Variants in WWOX observed in about 807,000 individuals in gnomAD.
WWOX encodes WW domain-containing oxidoreductase.
In WWOX, 69 loss-of-function variants were observed where a neutral mutation model predicts 46.2. That is an observed-to-expected ratio of 1.49 (90% CI 1.23 to 1.82). The LOEUF is 1.82. WWOX is among the 40% of genes most tolerant of loss of function. WWOX has a pLI of 0.00. For synonymous variants in WWOX, 359 were observed against 202.6 expected (o/e 1.77, Z -6.56); for missense variants, 919 against 542.6 (o/e 1.69, Z -6.89).
intron 8 of WWOX, among the ~76,000 whole-genome samples, chr16:79,113,119 G>A (rs2049448830): frequency 6.6e-6 from 1 of 152,194 alleles, no homozygotes; most frequent in South Asian, 2.1e-4. Context: ...AAAAACATAT[G>A]TGTGTGTAAT....
At chr16:78,173,107 G>A (rs537635930) in intron 5 of WWOX, among the ~76,000 whole-genome samples, 17 of 152,276 alleles carry the variant, frequency 1.1e-4, no homozygotes, top group African/African-American at 3.9e-4. Context: ...GGGGCAGCAC[G>A]CCCTGCGATA....
intron 8 of WWOX, among the ~76,000 whole-genome samples, chr16:78,435,640 C>T (rs1382037373): frequency 2.0e-5 from 3 of 152,154 alleles, no homozygotes; most frequent in South Asian, 4.2e-4. Flanking sequence ...TGAGCATTTC[C>T]CTTGTAGTTG....
chr16:78,675,843 T>C (rs1250608033), intron 8 of WWOX, among the ~76,000 whole-genome samples: 1 of 152,064 alleles, frequency 6.6e-6, no homozygotes, highest in Non-Finnish European at 1.5e-5. Context: ...ATATATATTT[T>C]TTTAAATCAT....
chr16:78,762,733 G>A (rs976237579), intron 8 of WWOX, among the ~76,000 whole-genome samples: 1 of 152,132 alleles, frequency 6.6e-6, no homozygotes, highest in Non-Finnish European at 1.5e-5. Flanking sequence ...CTGGTTTCAA[G>A]TCCAAATTCT....
At chr16:78,794,341 T>A (rs770720404) in intron 8 of WWOX, among the ~76,000 whole-genome samples, 3 of 152,140 alleles carry the variant, frequency 2.0e-5, no homozygotes, top group Non-Finnish European at 4.4e-5. Flanking sequence ...CAGGAGTCTC[T>A]CTCGGTCTGT....
chr16:79,018,490 C>T (rs1163478554), intron 8 of WWOX, among the ~76,000 whole-genome samples: 1 of 152,138 alleles, frequency 6.6e-6, no homozygotes, highest in Non-Finnish European at 1.5e-5. Flanking sequence ...TGTGTCTACA[C>T]AGACCCAAGA....
rs1464156122 is a variant in WWOX, at chr16:78,386,901, G to A, written c.558G>A (p.Leu186=). The A allele has an allele frequency of 1.2e-6, 2 of 1,614,106 alleles. No homozygotes were observed. The highest frequency in any genetic ancestry group is 2.2e-5 in the East Asian group (1 of 44,884). ...AAGCAATGACCCTGGACCTCGCTCT[G>A]CTCCGTAGCGTGCAGCATTTTGCTG... ...KVEAMTLDLA[L]LRSVQHFAEA... Residue 186 remains leucine (L), a synonymous_variant, in exon 6 of 9, where the codon CTG becomes CTA. Coordinates refer to ENST00000566780, the MANE Select transcript of WWOX (RefSeq NM_016373.4).
intron 8 of WWOX, among the ~76,000 whole-genome samples, chr16:78,761,887 A>G (rs2049803771): frequency 6.6e-6 from 1 of 152,198 alleles, no homozygotes; most frequent in Non-Finnish European, 1.5e-5. Flanking sequence ...AACTTAGTTC[A>G]TTAGTGCTTT....
At chr16:78,786,883 C>G (rs143233297) in intron 8 of WWOX, among the ~76,000 whole-genome samples, 2 of 152,208 alleles carry the variant, frequency 1.3e-5, no homozygotes, top group South Asian at 2.1e-4. Flanking sequence ...CGTGGTGACT[C>G]ACGCCTGTAA....
At position 78,563,519 on chromosome 16, in the gene WWOX, T is replaced by TTTTTTTTTTTTTC. The variant is rs1491121731; in HGVS notation, c.1056+130779_1056+130780insCTTTTTTTTTTTT. 3.0e-3 allele frequency among the ~76,000 whole-genome samples: 274 copies of TTTTTTTTTTTTTC among 92,436 alleles called. 5 individuals carry two copies. Among genetic ancestry groups the TTTTTTTTTTTTTC allele is most frequent in the African/African-American group, 0.017 (264 of 15,268 alleles). The allele number at this position is 92,436 out of a possible 152,430, so 60.6% of individuals were successfully genotyped here. On this transcript the variant is annotated intron_variant, in intron 8 of 8. Coordinates refer to ENST00000566780, the MANE Select transcript of WWOX (RefSeq NM_016373.4). ...CACACACACACACACACACACACGC[T>TTTTTTTTTTTTTC]TTTTTTTTTTTTTCTTTTTTTTTTT...
At chr16:78,294,928 A>C (rs918510612) in intron 5 of WWOX, among the ~76,000 whole-genome samples, 1 of 152,224 alleles carries the variant, frequency 6.6e-6, no homozygotes, top group Admixed American at 6.5e-5. Flanking sequence ...TTCGGCCCCA[A>C]GGAGATACGC....
intron 8 of WWOX, among the ~76,000 whole-genome samples, chr16:79,187,212 CT>C (rs971268327): frequency 6.6e-6 from 1 of 152,212 alleles, no homozygotes; most frequent in Admixed American, 6.5e-5. Flanking sequence ...TTTTCCTCCC[CT>C]GTAAAACGGG....
chr16:79,155,491 A>G (rs1008716308), intron 8 of WWOX, among the ~76,000 whole-genome samples: 1 of 152,156 alleles, frequency 6.6e-6, no homozygotes, highest in Non-Finnish European at 1.5e-5. Flanking sequence ...TTTAAAATGT[A>G]ATCATTTTAA....
chr16:78,369,161 A>G (rs1476596414), intron 5 of WWOX, among the ~76,000 whole-genome samples: 2 of 152,058 alleles, frequency 1.3e-5, no homozygotes, highest in East Asian at 1.9e-4. Flanking sequence ...TAGGAGCATC[A>G]TAGCTAATGT....
At chr16:78,902,805 C>A (rs920846669) in intron 8 of WWOX, among the ~76,000 whole-genome samples, 3 of 152,182 alleles carry the variant, frequency 2.0e-5, no homozygotes, top group African/African-American at 7.2e-5. Flanking sequence ...CTGCCCTGTC[C>A]TCAGGCTTAG....
intron 8 of WWOX, among the ~76,000 whole-genome samples, chr16:79,210,056 T>G (rs2051667616): frequency 6.6e-6 from 1 of 152,172 alleles, no homozygotes; most frequent in Non-Finnish European, 1.5e-5. Flanking sequence ...TTATTCAAAT[T>G]CAGGACCAGT....
intron 8 of WWOX, among the ~76,000 whole-genome samples, chr16:78,596,462 C>T (rs570117439): frequency 1.3e-5 from 2 of 152,118 alleles, no homozygotes; most frequent in African/African-American, 2.4e-5. Flanking sequence ...AATAGCCAGT[C>T]CTGCCCCAGC....
chr16:78,993,543 G>C (rs1453237666), intron 8 of WWOX, among the ~76,000 whole-genome samples: 1 of 152,192 alleles, frequency 6.6e-6, no homozygotes, highest in Non-Finnish European at 1.5e-5. Flanking sequence ...GACTATTACA[G>C]TGTTATCAGC....
At chr16:79,082,724 G>C (rs549025156) in intron 8 of WWOX, among the ~76,000 whole-genome samples, 1 of 152,332 alleles carries the variant, frequency 6.6e-6, no homozygotes, top group African/African-American at 2.4e-5. Flanking sequence ...GGCAGGTGAA[G>C]AGTTGTTCAT....
Sources: allele counts gnomAD v4.1 joint callset (sites outside exome capture counted in the v4.1 genomes callset), GRCh38; gene constraint gnomAD v4.1.1; transcripts MANE v1.5; gene names NCBI Gene and HGNC (gene_info 2026-07-23, HGNC 2026-07-21).